The following DCC variants were observed in gnomAD, a reference collection of about 807,000 sequenced individuals.
DCC encodes the protein DCC netrin 1 receptor.
Under a neutral mutation model 172.5 loss-of-function variants are expected in DCC, and 58 were observed. The observed-to-expected ratio is 0.34, with a 90% CI of 0.27 to 0.42. The LOEUF (loss-of-function observed/expected upper bound fraction) is 0.42. Among genes scored for constraint, DCC ranks in the 10% least tolerant of loss-of-function variants. DCC has a pLI of 1.00. For missense variants in DCC, 1,740 were observed against 1,791.0 expected, an observed-to-expected ratio of 0.97 and a Z score of 0.51; for synonymous variants, 709 against 644.5, an observed-to-expected ratio of 1.10 and a Z score of -1.52.
chr18:53,096,859 C>G (rs2144202388), intron 7 of DCC, among the ~76,000 whole-genome samples: 1 of 152,188 alleles, frequency 6.6e-6, no homozygotes, highest in East Asian at 1.9e-4. Flanking sequence ...CTAAAAATAT[C>G]ATAACTACTT....
At chr18:53,480,670 C>T (rs1254010384) in intron 25 of DCC, among the ~76,000 whole-genome samples, 3 of 152,078 alleles carry the variant, frequency 2.0e-5, no homozygotes, top group Non-Finnish European at 4.4e-5. Context: ...TGACCCTGTA[C>T]TCTGTTGCAC....
intron 20 of DCC, among the ~76,000 whole-genome samples, chr18:53,414,528 T>C (rs1211532610): frequency 6.6e-6 from 1 of 152,098 alleles, no homozygotes; most frequent in Non-Finnish European, 1.5e-5. Context: ...CAATAACTTT[T>C]TAAAATAACG....
intron 5 of DCC, among the ~76,000 whole-genome samples, chr18:52,949,865 C>A (rs1388236656): frequency 1.3e-5 from 2 of 152,210 alleles, no homozygotes; most frequent in Non-Finnish European, 2.9e-5. Flanking sequence ...AAGTTCCCTC[C>A]TCTAACCTCT....
chr18:52,624,878 G>A (rs551999675), intron 1 of DCC, among the ~76,000 whole-genome samples: 2 of 152,310 alleles, frequency 1.3e-5, no homozygotes, highest in East Asian at 3.9e-4. Context: ...GGCTTACGCA[G>A]ATCGTAAGCC....
intron 1 of DCC, among the ~76,000 whole-genome samples, chr18:52,578,799 C>T (rs1006236651): frequency 1.3e-5 from 2 of 152,086 alleles, no homozygotes; most frequent in African/African-American, 4.8e-5. Flanking sequence ...GAGATTGAGA[C>T]CATCCTGGCC....
At chr18:52,648,654 C>T (rs909415301) in intron 1 of DCC, among the ~76,000 whole-genome samples, 1 of 152,150 alleles carries the variant, frequency 6.6e-6, no homozygotes, top group Non-Finnish European at 1.5e-5. Flanking sequence ...GCACTTGAGA[C>T]TAGATTGTGT....
chr18:53,402,945 G>A (rs768271046), intron 19 of DCC, 52 bp downstream of exon 19: 1 of 1,315,914 alleles, frequency 7.6e-7, no homozygotes, highest in East Asian at 2.3e-5. Context: ...TCCTATAATT[G>A]CTTACCCCCT....
At chr18:52,456,752 A>G (rs1269605493) in intron 1 of DCC, among the ~76,000 whole-genome samples, 1 of 152,092 alleles carries the variant, frequency 6.6e-6, no homozygotes, top group African/African-American at 2.4e-5. Flanking sequence ...CCCTAACTGA[A>G]GAGATATCTG....
intron 1 of DCC, among the ~76,000 whole-genome samples, chr18:52,612,617 A>G (rs1363294828): frequency 6.7e-6 from 1 of 149,558 alleles, no homozygotes; most frequent in Non-Finnish European, 1.5e-5. Flanking sequence ...CTTATCTCAC[A>G]CTCTGTCTTG....
intron 2 of DCC, among the ~76,000 whole-genome samples, chr18:52,806,999 C>T (rs765773253): frequency 3.3e-5 from 5 of 152,084 alleles, no homozygotes; most frequent in African/African-American, 4.8e-5. Flanking sequence ...TCAAGACCAC[C>T]CTGGCCAATA....
chr18:53,342,858 A>G (rs977088638), intron 15 of DCC, among the ~76,000 whole-genome samples: 1 of 147,724 alleles, frequency 6.8e-6, no homozygotes, highest in Admixed American at 6.8e-5. Flanking sequence ...ATATATACAT[A>G]TGTATATTAT....
intron 1 of DCC, among the ~76,000 whole-genome samples, chr18:52,550,181 A>G (rs2032728983): frequency 6.6e-6 from 1 of 151,960 alleles, no homozygotes; most frequent in Non-Finnish European, 1.5e-5. Context: ...GAAAAATAAC[A>G]GAAAAAAACC....
At chr18:52,880,703 T>C (rs2039472479) in intron 2 of DCC, among the ~76,000 whole-genome samples, 2 of 152,228 alleles carry the variant, frequency 1.3e-5, no homozygotes, top group Admixed American at 6.5e-5. Context: ...CATTCTTTTT[T>C]ATGGCTGAAT....
At chr18:53,453,311 A>G (rs759159316) in intron 23 of DCC, among the ~76,000 whole-genome samples, 9 of 152,214 alleles carry the variant, frequency 5.9e-5, no homozygotes, top group Non-Finnish European at 8.8e-5. Flanking sequence ...AATGCAGGTG[A>G]AAGCAAAATC....
intron 7 of DCC, among the ~76,000 whole-genome samples, chr18:53,088,006 C>T (rs937047023): frequency 6.6e-6 from 1 of 152,064 alleles, no homozygotes; most frequent in East Asian, 1.9e-4. Context: ...GTTACTGTAG[C>T]CTTGTAGTAT....
intron 5 of DCC, among the ~76,000 whole-genome samples, chr18:52,952,687 A>G (rs1185943077): frequency 3.3e-5 from 5 of 152,152 alleles, no homozygotes; most frequent in Admixed American, 3.3e-4. Flanking sequence ...AATCATTTAA[A>G]TGATTTCTCA....
intron 22 of DCC, among the ~76,000 whole-genome samples, chr18:53,438,782 C>T (rs1912096464): frequency 6.6e-6 from 1 of 152,100 alleles, no homozygotes; most frequent in Admixed American, 6.5e-5. Context: ...AAGAGAAATC[C>T]ACATCATTGG....
At chr18:52,908,788 A>G in intron 3 of DCC, among the ~76,000 whole-genome samples, 1 of 152,192 alleles carries the variant, frequency 6.6e-6, no homozygotes, top group Non-Finnish European at 1.5e-5. Context: ...TTCTTAGCTG[A>G]ATTGAAACTG....
chr18:53,125,951 G>C (rs1289430084), intron 7 of DCC, among the ~76,000 whole-genome samples: 4 of 152,132 alleles, frequency 2.6e-5, no homozygotes, highest in African/African-American at 9.7e-5. Flanking sequence ...GACACACACT[G>C]AACAAGTAAC....
Sources: gnomAD v4.1 joint callset for allele counts (sites outside exome capture counted in the v4.1 genomes callset) on GRCh38, gnomAD v4.1.1 for gene constraint, MANE v1.5 for transcripts, NCBI Gene and HGNC (gene_info 2026-07-23, HGNC 2026-07-21) for gene names.